PIK3C2G: variants seen among roughly 807,000 people sequenced by gnomAD.
PIK3C2G encodes the protein phosphatidylinositol 3-kinase C2 domain-containing subunit gamma.
PIK3C2G carries 168 observed loss-of-function variants against 181.1 expected under a neutral mutation model. The observed-to-expected ratio is 0.93, with a 90% confidence interval of 0.82 to 1.05. PIK3C2G has a LOEUF of 1.05. PIK3C2G is among the 50% of genes least tolerant of loss of function. The pLI is 0.00. For missense variants in PIK3C2G, 1,869 were observed against 1,732.8 expected (o/e 1.08, Z -1.40); for synonymous variants, 573 against 592.2 (o/e 0.97, Z 0.47).
chr12:18,542,790 T>G (rs1289032518), intron 25 of PIK3C2G, among the ~76,000 whole-genome samples: 1 of 152,020 alleles, frequency 6.6e-6, no homozygotes, highest in Non-Finnish European at 1.5e-5. Flanking sequence ...GTGCCACATT[T>G]TCTTAATCCA....
chr12:18,592,882 A>G (rs1022474405), intron 29 of PIK3C2G, among the ~76,000 whole-genome samples: 1 of 151,942 alleles, frequency 6.6e-6, no homozygotes, highest in Non-Finnish European at 1.5e-5. Flanking sequence ...TCAGCATTAG[A>G]TGGTTTGCCA....
intron 29 of PIK3C2G, 95 bp downstream of exon 29, chr12:18,567,152 C>A: frequency 1.5e-6 from 1 of 651,788 alleles, no homozygotes; most frequent in South Asian, 2.1e-5. Context: ...AATGCCAGTA[C>A]TTTGGGAGGT....
At chr12:18,389,990 C>T (rs1943437921) in intron 14 of PIK3C2G, among the ~76,000 whole-genome samples, 1 of 152,018 alleles carries the variant, frequency 6.6e-6, no homozygotes, top group Non-Finnish European at 1.5e-5. Flanking sequence ...TACTGGATGC[C>T]CTTCCCCTCT....
intron 9 of PIK3C2G, among the ~76,000 whole-genome samples, chr12:18,342,462 T>C (rs1054044769): frequency 1.8e-4 from 27 of 152,118 alleles, no homozygotes; most frequent in African/African-American, 6.5e-4. Flanking sequence ...TAACTAATTG[T>C]ATTTCCTTAA....
chr12:18,303,727 C>T (rs972483115), intron 5 of PIK3C2G, among the ~76,000 whole-genome samples: 9 of 152,130 alleles, frequency 5.9e-5, no homozygotes, highest in Non-Finnish European at 1.2e-4. Flanking sequence ...ATAAAATTTA[C>T]TGTACTTAAA....
chr12:18,624,123 G>A (rs1948987841), intron 31 of PIK3C2G, among the ~76,000 whole-genome samples: 1 of 151,568 alleles, frequency 6.6e-6, no homozygotes. Flanking sequence ...GATTTTAGAG[G>A]AAAAGCTTTC....
chr12:18,418,458 G>T (rs148108636), intron 16 of PIK3C2G, among the ~76,000 whole-genome samples: 134 of 152,234 alleles, frequency 8.8e-4, no homozygotes, highest in African/African-American at 3.2e-3. Context: ...AGAGTGTTTT[G>T]CTAGCCTTGA....
chr12:18,254,853 AAAT>A (rs974094112), intron 1 of PIK3C2G, among the ~76,000 whole-genome samples: 6 of 151,618 alleles, frequency 4.0e-5, no homozygotes, highest in Non-Finnish European at 8.8e-5. Context: ...CTCTGTCTCA[AAAT>A]AATAATAATA....
At chr12:18,559,229 A>C (rs1230004280) in intron 26 of PIK3C2G, among the ~76,000 whole-genome samples, 1 of 152,196 alleles carries the variant, frequency 6.6e-6, no homozygotes, top group Non-Finnish European at 1.5e-5. Flanking sequence ...AAATGTCCCT[A>C]AATCTCTTAC....
intron 31 of PIK3C2G, among the ~76,000 whole-genome samples, chr12:18,634,992 A>C (rs561622031): frequency 3.9e-5 from 6 of 152,226 alleles, no homozygotes; most frequent in African/African-American, 1.2e-4. Context: ...GCTGCAACCC[A>C]TGGATCACTG....
intron 32 of PIK3C2G, among the ~76,000 whole-genome samples, chr12:18,645,059 T>C (rs772543865): frequency 4.8e-4 from 73 of 152,186 alleles, no homozygotes; most frequent in Non-Finnish European, 8.8e-4. Context: ...CATTTAGTTA[T>C]TTGTCAGAAG....
intron 29 of PIK3C2G, among the ~76,000 whole-genome samples, chr12:18,593,646 T>C (rs1434560925): frequency 6.6e-6 from 1 of 151,856 alleles, no homozygotes; most frequent in East Asian, 2.0e-4. Flanking sequence ...ACTTTGGTCA[T>C]ATAGTAGCTT....
chr12:18,434,525 T>G (rs1946343851), intron 18 of PIK3C2G, among the ~76,000 whole-genome samples: 1 of 152,162 alleles, frequency 6.6e-6, no homozygotes, highest in Admixed American at 6.5e-5. Flanking sequence ...AAGAGAATCA[T>G]AGCATGATGT....
At chr12:18,578,228 C>G (rs1478615232) in intron 29 of PIK3C2G, among the ~76,000 whole-genome samples, 1 of 152,182 alleles carries the variant, frequency 6.6e-6, no homozygotes, top group Non-Finnish European at 1.5e-5. Flanking sequence ...GAGAAGCTTA[C>G]AGTCTGTGTC....
chr12:18,668,733 T>A, the PIK3C2G span, among the ~76,000 whole-genome samples: 97 of 152,268 alleles, frequency 6.4e-4, 1 homozygote, highest in African/African-American at 2.2e-3. Context: ...TGGGTAGAAG[T>A]GCTCACACCC....
At chr12:18,475,607 T>A (rs1470384974) in intron 18 of PIK3C2G, among the ~76,000 whole-genome samples, 1 of 152,012 alleles carries the variant, frequency 6.6e-6, no homozygotes, top group East Asian at 1.9e-4. Context: ...TCCACCAAAT[T>A]TTTCCCCATG....
chr12:18,631,978 C>A (rs1949370795), intron 31 of PIK3C2G, among the ~76,000 whole-genome samples: 1 of 151,900 alleles, frequency 6.6e-6, no homozygotes, highest in African/African-American at 2.4e-5. Context: ...CCACTGGGGT[C>A]AGTTTTGTAT....
chr12:18,440,712 G>T (rs1201561083), intron 18 of PIK3C2G, among the ~76,000 whole-genome samples: 1 of 152,008 alleles, frequency 6.6e-6, no homozygotes, highest in African/African-American at 2.4e-5. Flanking sequence ...TGAGGTTACA[G>T]GGGGAAAGAG....
intron 30 of PIK3C2G, among the ~76,000 whole-genome samples, chr12:18,598,422 G>C (rs1315758334): frequency 4.0e-5 from 6 of 151,662 alleles, no homozygotes; most frequent in African/African-American, 1.2e-4. Context: ...TTAATAAATG[G>C]TGCTGGGAAA....
Sources: gnomAD v4.1 joint callset for allele counts (sites outside exome capture counted in the v4.1 genomes callset) on GRCh38, gnomAD v4.1.1 for gene constraint, MANE v1.5 for transcripts, NCBI Gene and HGNC (gene_info 2026-07-23, HGNC 2026-07-21) for gene names.